The following FER1L5 variants were observed in gnomAD, a reference collection of about 807,000 sequenced individuals.
FER1L5 encodes fer-1-like protein 5.
In FER1L5, 187 loss-of-function variants were observed where a neutral mutation model predicts 279.9. That is an observed-to-expected ratio of 0.67 (90% CI 0.59 to 0.75). The LOEUF (loss-of-function observed/expected upper bound fraction) is 0.75, where lower values mean the gene tolerates loss of function less well. Ranked by LOEUF, FER1L5 falls within the 30% of genes least tolerant of loss-of-function variation. The pLI is 0.00. For missense variants in FER1L5, 2,091 were observed against 2,594.4 expected, an observed-to-expected ratio of 0.81 and a Z score of 4.21; for synonymous variants, 921 against 989.7, an observed-to-expected ratio of 0.93 and a Z score of 1.30.
intron 27 of FER1L5, 137 bp downstream of exon 27, chr2:96,690,726 G>A (rs1477399701): frequency 1.4e-5 from 10 of 722,418 alleles, no homozygotes; most frequent in Middle Eastern, 3.5e-4. Flanking sequence ...CTCCAGAGCT[G>A]GGTCTCCAGC....
At chr2:96,645,358 A>G (rs1249932977) in intron 1 of FER1L5, among the ~76,000 whole-genome samples, 4 of 152,020 alleles carry the variant, frequency 2.6e-5, no homozygotes, top group Admixed American at 2.6e-4. Flanking sequence ...GGCTATGGGG[A>G]GAGGAGAGAG....
At position 96,691,330 on chromosome 2, in the gene FER1L5, G is replaced by C. The variant is rs1182476506; in HGVS notation, c.2884G>C (p.Glu962Gln). 3.9e-6 allele frequency: 6 copies of C among 1,550,238 alleles called. No individual in the cohort carries two copies. Among genetic ancestry groups the C allele is most frequent in the South Asian group, 1.2e-5 (1 of 84,020 alleles). The part of the protein sequence containing the change: ...RNHGELSHEQ[E>Q]TLSFLQLGLA... The stretch of plus-strand genomic sequence containing the variant: ...CCATGGGGAGCTGAGCCACGAGCAG[G>C]AGACCCTCTCCTTCCTGCAGCTGGT... The change falls in exon 28 of 53, where the codon GAG becomes CAG. Residue 962 changes from glutamate (E) to glutamine (Q), a missense_variant. By Grantham distance (29) the Glu-to-Gln change is conservative. Transcript: ENST00000624922. This position sits in a 1 kb window ranked among gnomAD's most constrained non-coding sequence, Gnocchi z 6.0.
rs143611696 is a variant in FER1L5 at position 96,646,278 on chromosome 2, G to A, written c.86-123G>A. 9.3e-4 allele frequency: 920 copies of A among 990,614 alleles called. 8 individuals are homozygous for A. The African/African-American group carries it at 0.012, about 13-fold the overall frequency. The allele number at this position is 990,614 out of a possible 1,614,324, so 61.4% of individuals were successfully genotyped here. A position where few individuals can be genotyped will look rare whatever the true frequency, so the allele number is the denominator to read the frequency against. On this transcript the variant is annotated intron_variant, in intron 1 of 52. Transcript: ENST00000624922. Reference sequence around the variant, plus strand: ...CTCCCAAAGTGCTGAGATTACAGGCGTTAGCCACCATGCCCGGCCGACTTG... The same window carrying A: ...CTCCCAAAGTGCTGAGATTACAGGCATTAGCCACCATGCCCGGCCGACTTG...
chr2:96,659,733 C>T (rs886433551), intron 9 of FER1L5, among the ~76,000 whole-genome samples: 2 of 151,556 alleles, frequency 1.3e-5, no homozygotes, highest in African/African-American at 4.9e-5. Context: ...CCTCTTGATC[C>T]GCCTGCCTCA....
Position 96,694,334 on chromosome 2 carries a change from G to A in FER1L5, c.3637-26G>A, listed in dbSNP as rs937098367. 2.6e-5 allele frequency: 40 copies of A among 1,532,228 alleles called. No individual in the cohort carries two copies. The highest frequency in any genetic ancestry group is 3.5e-5 in the Non-Finnish European group (40 of 1,136,590). The allele number at this position is 1,532,228 out of a possible 1,614,324, so 94.9% of individuals were successfully genotyped here. A position where few individuals can be genotyped will look rare whatever the true frequency, so the allele number is the denominator to read the frequency against. On this transcript the variant is annotated intron_variant, in intron 33 of 52. Coordinates refer to ENST00000624922, the MANE Select transcript of FER1L5 (RefSeq NM_001293083.2). The surrounding 1 kb of genome is among the most constrained non-coding windows in gnomAD (Gnocchi z 4.6). ...GAGGGCAGCAGGACCAGCCCAGAGG[G>A]CCTCATGCTCCCTGCCCTCCCCCAG...
In FER1L5 at chr2:96,661,724, A is replaced by G. The variant is rs1022084370; in HGVS notation, c.951A>G (p.Ser317=). The change falls in exon 12 of 53, where the codon TCA becomes TCG. Residue 317 remains serine, a synonymous_variant. Transcript: ENST00000624922. ...TDDTDIQIFK[S]AVVPINMAYL... ...ACACCGATATTCAGATCTTCAAGTC[A>G]GCGGTAGTCCCGATCAACATGGCTT... 29 of 1,551,752 alleles carry G rather than the reference A, an allele frequency of 1.9e-5. No individual in the cohort carries two copies. The highest frequency in any genetic ancestry group is 2.4e-5 in the Non-Finnish European group (28 of 1,147,010).
Position 96,702,644 on chromosome 2 carries a change from A to C in FER1L5, c.5300A>C (p.His1767Pro), listed in dbSNP as rs531009460. The change falls in exon 48 of 53, where the codon CAC becomes CCC. Residue 1767 changes from histidine to proline, a missense_variant. Coordinates refer to ENST00000624922, the MANE Select transcript of FER1L5 (RefSeq NM_001293083.2). The surrounding 1 kb of genome is among the most constrained non-coding windows in gnomAD (Gnocchi z 4.0). ...LEKDMQKTDI[H>P]YHSLTGEADF... ...AAGGACATGCAGAAGACAGACATCC[A>C]CTACCACTCGCTGACTGGGGAGGCC... 9 of 1,601,192 alleles carry C rather than the reference A, an allele frequency of 5.6e-6. No individual in the cohort carries two copies. The highest frequency in any genetic ancestry group is 6.8e-6 in the Non-Finnish European group (8 of 1,174,048).
intron 9 of FER1L5, among the ~76,000 whole-genome samples, chr2:96,659,358 C>CTTCTTTCTTTCCTTCTTTCT (rs2075778770): frequency 1.7e-5 from 1 of 60,582 alleles, no homozygotes; most frequent in African/African-American, 6.3e-5. Context: ...TCCTTCCTTC[C>CTTCTTTCTTTCCTTCTTTCT]TTCCTTCTTT....
chr2:96,651,767 A>G (rs2075391152), intron 6 of FER1L5, 125 bp from the exon 7 acceptor site: 2 of 1,391,700 alleles, frequency 1.4e-6, no homozygotes, highest in Non-Finnish European at 9.8e-7. Context: ...TCGGCCTCCC[A>G]AAGTGCTGGG....
At position 96,691,563 on chromosome 2, in the gene FER1L5, C is replaced by G. The variant is rs978250076; in HGVS notation, c.3026C>G (p.Pro1009Arg). The part of the protein sequence containing the change: ...RRRCWRRRLA[P>R]NKDKGIAPIF... ...CGCTGCTGGCGCCGCAGGCTGGCCC[C>G]CAACAAGGACAAGGGCATCGCGCCC... is the stretch of plus-strand genomic sequence containing the variant. Residue 1009 changes from proline to arginine, a missense_variant, in exon 29 of 53, where the codon CCC becomes CGC. Transcript: ENST00000624922. This position sits in a 1 kb window ranked among gnomAD's most constrained non-coding sequence, Gnocchi z 6.0. 1.9e-5 allele frequency: 30 copies of G among 1,548,568 alleles called. No homozygotes were observed. The highest frequency in any genetic ancestry group is 1.7e-4 in the Middle Eastern group (1 of 5,984).
Position 96,702,006 on chromosome 2 carries a change from G to A in FER1L5, c.5122G>A (p.Gly1708Ser). 1 of 1,613,994 alleles carries A rather than the reference G, an allele frequency of 6.2e-7. No individual in the cohort carries two copies. The highest frequency in any genetic ancestry group is 2.2e-5 in the East Asian group (1 of 44,884). ...DIFPKKLGPP[G>S]PQVNINPRKP... ...CTTCCCCAAGAAGCTGGGGCCTCCT[G>A]GCCCCCAAGTCAACATCAACCCCAG... The change falls in exon 46 of 53, where the codon GGC becomes AGC. Residue 1708 changes from glycine to serine, a missense_variant. Physicochemically the swap from Gly to Ser is moderately conservative, Grantham distance 56. Coordinates refer to ENST00000624922, the MANE Select transcript of FER1L5 (RefSeq NM_001293083.2). This position sits in a 1 kb window ranked among gnomAD's most constrained non-coding sequence, Gnocchi z 4.0.
In FER1L5 at chr2:96,698,212, G is replaced by A. The variant is rs937913534; in HGVS notation, c.4356+56G>A. 1.3e-6 allele frequency: 2 copies of A among 1,519,766 alleles called. No homozygotes were observed. The highest frequency in any genetic ancestry group is 1.8e-6 in the Non-Finnish European group (2 of 1,129,498). 94.1% of individuals were successfully genotyped at this position (1,519,766 alleles called of 1,614,324 possible). The stretch of plus-strand genomic sequence containing the variant: ...GTCTCCTTGTGCACCTTCTGTCCCT[G>A]GAAAACGAATAAAAGCCCTGGCTCT... On this transcript the variant is annotated intron_variant, in intron 40 of 52. Transcript: ENST00000624922. The surrounding 1 kb of genome is among the most constrained non-coding windows in gnomAD (Gnocchi z 5.5).
In FER1L5 at chr2:96,650,306, T is replaced by A; in HGVS notation, c.504+17T>A. 6.5e-7 allele frequency: 1 copy of A among 1,548,070 alleles called. No homozygotes were observed. Among genetic ancestry groups the A allele is most frequent in the Non-Finnish European group, 8.7e-7 (1 of 1,143,772 alleles). ...CACTTTCAGGTGAGGACCTTCCAGG[T>A]TGCAAGTTCATGGGACTCACCTGAC... On this transcript the variant is annotated intron_variant, in intron 6 of 52. Transcript: ENST00000624922.
chr2:96,664,137 AAGAG>A (rs372715688), intron 14 of FER1L5, among the ~76,000 whole-genome samples: 12 of 150,966 alleles, frequency 7.9e-5, no homozygotes, highest in African/African-American at 1.2e-4. Flanking sequence ...GAAAAAAGAA[AAGAG>A]AGAGAGAGAG....
Position 96,699,050 on chromosome 2 carries a change from C to T in FER1L5, c.4524C>T (p.Asp1508=). The T allele has an allele frequency of 1.2e-6, 2 of 1,609,560 alleles. No homozygotes were observed. The highest frequency in any genetic ancestry group is 1.7e-6 in the Non-Finnish European group (2 of 1,177,966). The change falls in exon 42 of 53, where the codon GAC becomes GAT. Residue 1508 remains aspartate, a synonymous_variant. Coordinates refer to ENST00000624922, the MANE Select transcript of FER1L5 (RefSeq NM_001293083.2). ...CCACTTGTATCTGACCCCAGTGTGA[C>T]CCTTATGTGATCCTGAAACTGGGCA... The part of the protein sequence containing the change: ...LQPQDYNGLC[D]PYVILKLGKT...
intron 13 of FER1L5, among the ~76,000 whole-genome samples, chr2:96,663,044 C>G (rs911458786): frequency 1.3e-5 from 2 of 152,224 alleles, no homozygotes; most frequent in African/African-American, 4.8e-5. Flanking sequence ...CACATAAACT[C>G]AACTGACGGT....
intron 39 of FER1L5, 103 bp downstream of exon 39, chr2:96,697,864 C>A: frequency 6.8e-7 from 1 of 1,476,108 alleles, no homozygotes; most frequent in South Asian, 1.2e-5. Context: ...GGAAGGTTCC[C>A]GCACTGTCTC....
chr2:96,673,265 G>C lies in FER1L5; in HGVS notation c.1669+11G>C. 1 of 1,545,138 alleles carries C rather than the reference G, an allele frequency of 6.5e-7. No homozygotes were observed. Among genetic ancestry groups the C allele is most frequent in the Non-Finnish European group, 8.8e-7 (1 of 1,141,614 alleles). On this transcript the variant is annotated intron_variant, in intron 19 of 52. Coordinates refer to ENST00000624922, the MANE Select transcript of FER1L5 (RefSeq NM_001293083.2). ...CAGTGATATATGATGGTAATTGTCA[G>C]ATTCAGGCAATAAGTAGAGAGCAGC...
At chr2:96,684,569 T>G in intron 20 of FER1L5, 118 bp downstream of exon 20, 2 of 1,386,754 alleles carry the variant, frequency 1.4e-6, no homozygotes, top group Non-Finnish European at 1.9e-6. Flanking sequence ...ATGCATTCAT[T>G]CCACACTGTT....
Sources: allele counts gnomAD v4.1 joint callset (sites outside exome capture counted in the v4.1 genomes callset), GRCh38; gene constraint gnomAD v4.1.1; non-coding constraint Gnocchi (gnomAD v3.1); transcripts MANE v1.5; gene names NCBI Gene and HGNC (gene_info 2026-07-23, HGNC 2026-07-21).